CPEB3: variants seen among roughly 807,000 people sequenced by gnomAD.
CPEB3 encodes cytoplasmic polyadenylation element-binding protein 3.
A neutral mutation model predicts 67.2 loss-of-function variants in CPEB3; 20 were observed. The ratio of observed to expected loss-of-function variants is 0.30; its 90% confidence interval spans 0.21 to 0.43. CPEB3 has a LOEUF of 0.43. Among genes scored for constraint, CPEB3 ranks in the 20% least tolerant of loss-of-function variants. CPEB3 has a pLI of 1.00. For synonymous variants in CPEB3, 376 were observed against 393.1 expected, an observed-to-expected ratio of 0.96 and a Z score of 0.51; for missense variants, 746 against 968.6, an observed-to-expected ratio of 0.77 and a Z score of 3.05.
chr10:92,185,133 T>C (rs1031785607), intron 3 of CPEB3, among the ~76,000 whole-genome samples: 1 of 152,218 alleles, frequency 6.6e-6, no homozygotes, highest in Non-Finnish European at 1.5e-5. Context: ...GTGCGTGACA[T>C]CTGATGATTT....
intron 1 of CPEB3, among the ~76,000 whole-genome samples, chr10:92,279,449 G>A (rs568350535): frequency 1.3e-5 from 2 of 152,106 alleles, no homozygotes; most frequent in East Asian, 1.9e-4. Flanking sequence ...AAGCAATATC[G>A]TCCCCCCTTG....
intron 9 of CPEB3, among the ~76,000 whole-genome samples, chr10:92,067,516 AG>A (rs1157450165): frequency 2.7e-5 from 4 of 148,870 alleles, no homozygotes; most frequent in Admixed American, 6.7e-5. Flanking sequence ...AATAAAAAAA[AG>A]AAAGAAAATT....
intron 4 of CPEB3, among the ~76,000 whole-genome samples, chr10:92,151,894 C>A (rs1401232672): frequency 6.6e-6 from 1 of 152,196 alleles, no homozygotes; most frequent in African/African-American, 2.4e-5. Context: ...ATCACCCTAT[C>A]CTAACTATCC....
chr10:92,088,018 A>G, intron 8 of CPEB3, among the ~76,000 whole-genome samples: 1 of 152,178 alleles, frequency 6.6e-6, no homozygotes, highest in East Asian at 1.9e-4. Flanking sequence ...GATAAACACC[A>G]GGAGACTTCA....
At chr10:92,102,725 A>G (rs1844249920) in intron 7 of CPEB3, among the ~76,000 whole-genome samples, 1 of 152,254 alleles carries the variant, frequency 6.6e-6, no homozygotes, top group African/African-American at 2.4e-5. Flanking sequence ...TTATGCTCAG[A>G]AGACTCAAGT....
upstream of CPEB3, chr10:92,291,080 G>A (rs1211853765): frequency 7.8e-6 from 2 of 257,898 alleles, no homozygotes; most frequent in South Asian, 8.9e-5. Context: ...GCAGCCTCTA[G>A]TGGAGACGGT....
chr10:92,156,701 T>C (rs1009067702), intron 4 of CPEB3, among the ~76,000 whole-genome samples: 1 of 152,220 alleles, frequency 6.6e-6, no homozygotes, highest in Non-Finnish European at 1.5e-5. Flanking sequence ...GCTTTAACTT[T>C]TTTAAATTTA....
At chr10:92,164,690 C>T (rs1159901580) in intron 4 of CPEB3, among the ~76,000 whole-genome samples, 3 of 152,230 alleles carry the variant, frequency 2.0e-5, no homozygotes, top group Middle Eastern at 6.8e-3. Context: ...ATTCACCAGT[C>T]GGTAAACATT....
At position 92,240,370 on chromosome 10, in the gene CPEB3, G is replaced by C. The variant is rs1022914847; in HGVS notation, c.-11-9C>G. 2.1e-6 allele frequency: 3 copies of C among 1,438,132 alleles called. No homozygotes were observed. Among genetic ancestry groups the C allele is most frequent in the Non-Finnish European group, 1.8e-6 (2 of 1,091,248 alleles). The allele number at this position is 1,438,132 out of a possible 1,614,324, so 89.1% of individuals were successfully genotyped here. A position where few individuals can be genotyped will look rare whatever the true frequency, so the allele number is the denominator to read the frequency against. On this transcript the variant is annotated splice_polypyrimidine_tract_variant and intron_variant, in intron 1 of 9. Transcript: ENST00000265997. ...CTGCATGGTTTGCGCAGCTGAAACG[G>C]GAAAAAAGAGAGACGCGTTATTGTC...
At chr10:92,208,250 G>T (rs968728203) in intron 2 of CPEB3, among the ~76,000 whole-genome samples, 6 of 152,150 alleles carry the variant, frequency 3.9e-5, no homozygotes, top group African/African-American at 1.4e-4. Flanking sequence ...AATCCCCCAA[G>T]TTGAATACCA....
intron 7 of CPEB3, among the ~76,000 whole-genome samples, chr10:92,095,450 C>A (rs995312557): frequency 6.6e-6 from 1 of 151,980 alleles, no homozygotes; most frequent in Non-Finnish European, 1.5e-5. Flanking sequence ...AAGTTGCACT[C>A]ACACTCTGGT....
Position 92,181,027 on chromosome 10 carries a change from AT to A in CPEB3, c.1166-9del. Reference sequence around the variant, plus strand: ...AATTTATCCCCATGCGTCCTAAAAAATAAAATAATTTTAAGCAAAAAGAATG... The same window carrying A: ...AATTTATCCCCATGCGTCCTAAAAAAAAAATAATTTTAAGCAAAAAGAATG... On this transcript the variant is annotated splice_polypyrimidine_tract_variant and intron_variant, in intron 3 of 9. Transcript: ENST00000265997. The A allele has an allele frequency of 6.9e-7, 1 of 1,459,528 alleles. No homozygotes were observed. Among genetic ancestry groups the A allele is most frequent in the Middle Eastern group, 1.8e-4 (1 of 5,710 alleles). 90.4% of individuals were successfully genotyped at this position (1,459,528 alleles called of 1,614,324 possible).
intron 9 of CPEB3, among the ~76,000 whole-genome samples, chr10:92,069,105 C>G (rs1842659095): frequency 6.6e-6 from 1 of 152,132 alleles, no homozygotes; most frequent in Non-Finnish European, 1.5e-5. Context: ...GCTATTGAGT[C>G]ATTGTATATA....
intron 7 of CPEB3, among the ~76,000 whole-genome samples, chr10:92,093,824 G>A (rs1843728221): frequency 6.6e-6 from 1 of 151,686 alleles, no homozygotes; most frequent in Admixed American, 6.6e-5. Context: ...CTTTAAGACT[G>A]CTACAAATTT....
chr10:92,114,326 C>T (rs566243751), intron 6 of CPEB3, among the ~76,000 whole-genome samples: 1 of 152,290 alleles, frequency 6.6e-6, no homozygotes, highest in African/African-American at 2.4e-5. Context: ...AAGAATCTTT[C>T]GAACATATTT....
intron 2 of CPEB3, among the ~76,000 whole-genome samples, chr10:92,235,453 A>T (rs1851484693): frequency 6.6e-6 from 1 of 152,182 alleles, no homozygotes; most frequent in African/African-American, 2.4e-5. Flanking sequence ...TCAAAAAAAA[A>T]AAAATCAGTA....
intron 7 of CPEB3, among the ~76,000 whole-genome samples, chr10:92,104,581 G>T (rs2133418656): frequency 6.6e-6 from 1 of 151,872 alleles, no homozygotes; most frequent in African/African-American, 2.4e-5. Flanking sequence ...TAGAGACGGG[G>T]TTTCACCGTG....
intron 6 of CPEB3, chr10:92,118,554 T>C (rs1450772312): frequency 8.4e-6 from 2 of 238,286 alleles, no homozygotes; most frequent in Non-Finnish European, 1.6e-5. Context: ...TATAAAACAA[T>C]GGGCATGAAC....
intron 2 of CPEB3, among the ~76,000 whole-genome samples, chr10:92,221,418 G>A (rs918743183): frequency 6.6e-6 from 1 of 152,270 alleles, no homozygotes; most frequent in Non-Finnish European, 1.5e-5. Context: ...TCTTGAGCCC[G>A]AGAGGCAAAG....
Sources: gnomAD v4.1 joint callset for allele counts (sites outside exome capture counted in the v4.1 genomes callset) on GRCh38, gnomAD v4.1.1 for gene constraint, MANE v1.5 for transcripts, NCBI Gene and HGNC (gene_info 2026-07-23, HGNC 2026-07-21) for gene names.